ZNF569: variants seen among roughly 807,000 people sequenced by gnomAD.
ZNF569 encodes zinc finger protein 569.
In ZNF569, 38 loss-of-function variants were observed where a neutral mutation model predicts 56.3. The observed-to-expected ratio is 0.68, with a 90% CI of 0.52 to 0.88. The LOEUF is 0.88. Ranked by LOEUF, ZNF569 falls within the 40% of genes least tolerant of loss-of-function variation. ZNF569 has a pLI of 0.00. For synonymous variants in ZNF569, 241 were observed against 262.9 expected (o/e 0.92, Z 0.81); for missense variants, 666 against 809.2 (o/e 0.82, Z 2.15).
In ZNF569 at chr19:37,426,362, T is replaced by C; in HGVS notation, c.32A>G (p.Lys11Arg). 6.2e-7 allele frequency: 1 copy of C among 1,610,876 alleles called. No homozygotes were observed. The highest frequency in any genetic ancestry group is 1.3e-5 in the African/African-American group (1 of 74,842). The change falls in exon 4 of 6, where the codon AAA becomes AGA. Residue 11 changes from lysine to arginine, a missense_variant. Transcript: ENST00000316950. MTESQGTVTF[K>R]DVAIDFTQEE... is the part of the protein sequence containing the mutation. ...CTGAGTGAAGTCGATAGCCACATCT[T>C]TGAATGTTACTGTTCCCTGTAACAA...
chr19:37,458,792 A>G (rs950973755), intron 2 of ZNF569, among the ~76,000 whole-genome samples: 3 of 152,228 alleles, frequency 2.0e-5, no homozygotes, highest in Non-Finnish European at 4.4e-5. Flanking sequence ...AGAAAGTTAG[A>G]AAAAGAGATG....
chr19:37,469,264 CT>C, upstream of ZNF569: 1 of 1,398,424 alleles, frequency 7.2e-7, no homozygotes, highest in Non-Finnish European at 9.3e-7. Context: ...ACGCCGCGAC[CT>C]TTTCTACTCC....
At chr19:37,432,854 G>A (rs892727167) in intron 3 of ZNF569, among the ~76,000 whole-genome samples, 2 of 148,376 alleles carry the variant, frequency 1.3e-5, no homozygotes, top group South Asian at 2.1e-4. Context: ...GAATAGAGCC[G>A]AAATTCTGGA....
intron 5 of ZNF569, among the ~76,000 whole-genome samples, chr19:37,421,791 C>A (rs1420732008): frequency 7.0e-6 from 1 of 143,294 alleles, no homozygotes; most frequent in Admixed American, 7.2e-5. Flanking sequence ...GCTCTGTCAC[C>A]TAGGCTGGGA....
upstream of ZNF569, chr19:37,468,040 A>AC (rs1237300658): frequency 1.3e-5 from 13 of 1,002,070 alleles, no homozygotes; most frequent in Admixed American, 2.8e-4. Flanking sequence ...GTCATCTCAG[A>AC]CTAGGTACTT....
chr19:37,453,850 G>A (rs1255725798), intron 2 of ZNF569, among the ~76,000 whole-genome samples: 2 of 152,010 alleles, frequency 1.3e-5, no homozygotes, highest in Admixed American at 1.3e-4. Flanking sequence ...ATTCCTGTTG[G>A]GTTGTTGCAA....
intron 2 of ZNF569, among the ~76,000 whole-genome samples, chr19:37,462,469 G>A (rs1390802330): frequency 1.3e-5 from 2 of 150,246 alleles, no homozygotes; most frequent in South Asian, 4.2e-4. Context: ...TATCTCCAAC[G>A]TTTTCTTTTC....
At chr19:37,430,627 A>G (rs1015602593) in intron 3 of ZNF569, among the ~76,000 whole-genome samples, 1 of 151,040 alleles carries the variant, frequency 6.6e-6, no homozygotes, top group Non-Finnish European at 1.5e-5. Context: ...AGAGGGCCCA[A>G]TAGAAGCCTC....
intron 2 of ZNF569, among the ~76,000 whole-genome samples, chr19:37,458,014 G>A (rs1220778235): frequency 6.6e-6 from 1 of 152,054 alleles, no homozygotes; most frequent in East Asian, 1.9e-4. Flanking sequence ...GGGACCACAG[G>A]CATGCACAAC....
Position 37,413,188 on chromosome 19 carries a change from T to C in ZNF569, c.1470A>G (p.Gly490=). 1 of 1,606,544 alleles carries C rather than the reference T, an allele frequency of 6.2e-7. No homozygotes were observed. Among genetic ancestry groups the C allele is most frequent in the East Asian group, 2.2e-5 (1 of 44,798 alleles). The change falls in exon 6 of 6, where the codon GGA becomes GGG. Residue 490 remains glycine, a synonymous_variant. Coordinates refer to ENST00000316950, the MANE Select transcript of ZNF569 (RefSeq NM_152484.3). ...NLIAHEKIHS[G]EKPYECNECG... ...ATTCATTGCATTCATAGGGTTTCTC[T>C]CCAGAATGAATTTTTTCATGAGCAA...
At chr19:37,435,627 A>G (rs1409852604) in intron 3 of ZNF569, among the ~76,000 whole-genome samples, 1 of 152,236 alleles carries the variant, frequency 6.6e-6, no homozygotes, top group Non-Finnish European at 1.5e-5. Context: ...CACTTCATCT[A>G]TAAAGACACA....
At chr19:37,447,518 CTACT>C (rs1232010657) in intron 2 of ZNF569, among the ~76,000 whole-genome samples, 1 of 152,128 alleles carries the variant, frequency 6.6e-6, no homozygotes, top group Non-Finnish European at 1.5e-5. Context: ...TTGGCATTTT[CTACT>C]TAATTATGTT....
chr19:37,466,356 G>A (rs1367622051), intron 1 of ZNF569, among the ~76,000 whole-genome samples: 1 of 152,150 alleles, frequency 6.6e-6, no homozygotes, highest in Non-Finnish European at 1.5e-5. Context: ...CCGGCCGGGC[G>A]CGGTGGCTTA....
intron 2 of ZNF569, among the ~76,000 whole-genome samples, chr19:37,447,371 TA>T (rs1205054532): frequency 6.6e-6 from 1 of 152,142 alleles, no homozygotes; most frequent in Non-Finnish European, 1.5e-5. Context: ...AATAAAGGCA[TA>T]AAAACAGAGT....
chr19:37,466,951 G>A (rs919551061), intron 1 of ZNF569, 133 bp downstream of exon 1: 1 of 152,584 alleles, frequency 6.6e-6, no homozygotes, highest in African/African-American at 2.4e-5. Context: ...CACTGCCTCA[G>A]GGAACCACAA....
intron 3 of ZNF569, among the ~76,000 whole-genome samples, chr19:37,436,435 A>C (rs1467122763): frequency 6.6e-6 from 1 of 151,998 alleles, no homozygotes; most frequent in Non-Finnish European, 1.5e-5. Context: ...AAAGAACTAG[A>C]AAAGAGCAAA....
intron 5 of ZNF569, among the ~76,000 whole-genome samples, chr19:37,419,586 T>C (rs1389677798): frequency 2.0e-5 from 3 of 151,770 alleles, no homozygotes; most frequent in Non-Finnish European, 4.4e-5. Flanking sequence ...TAGCCGGGCG[T>C]GGTGGCAGGC....
At chr19:37,431,351 AC>A (rs1430102316) in intron 3 of ZNF569, among the ~76,000 whole-genome samples, 17 of 152,210 alleles carry the variant, frequency 1.1e-4, no homozygotes, top group African/African-American at 4.1e-4. Context: ...CACCTTGGAT[AC>A]CAGCTCAGCC....
intron 2 of ZNF569, among the ~76,000 whole-genome samples, chr19:37,449,933 TTC>T (rs1487397783): frequency 6.6e-6 from 1 of 152,214 alleles, no homozygotes; most frequent in Non-Finnish European, 1.5e-5. Flanking sequence ...TGCTCCTTTG[TTC>T]TTTTTCGCTC....
Sources: allele counts gnomAD v4.1 joint callset (sites outside exome capture counted in the v4.1 genomes callset), GRCh38; gene constraint gnomAD v4.1.1; transcripts MANE v1.5; gene names NCBI Gene and HGNC (gene_info 2026-07-23, HGNC 2026-07-21).